Variants in CSMD1 observed in about 807,000 individuals in gnomAD.
CSMD1 encodes the protein CUB and Sushi multiple domains 1.
A neutral mutation model predicts 417.5 loss-of-function variants in CSMD1; 213 were observed. The observed-to-expected ratio is 0.51, with a 90% CI of 0.46 to 0.57. CSMD1 has a LOEUF of 0.57. Ranked by LOEUF, CSMD1 falls within the 20% of genes least tolerant of loss-of-function variation. The pLI is 0.00. For missense variants in CSMD1, 6,923 were observed against 4,529.7 expected (o/e 1.53, Z -15.17); for synonymous variants, 2,862 against 1,736.8 (o/e 1.65, Z -16.11).
intron 1 of CSMD1, among the ~76,000 whole-genome samples, chr8:4,676,621 G>C (rs144106820): frequency 6.6e-6 from 1 of 151,994 alleles, no homozygotes; most frequent in South Asian, 2.1e-4. Context: ...TTCTCCTTTC[G>C]CACCTGCAGC....
In CSMD1 at chr8:3,230,016, T is replaced by C. The variant is rs542473394; in HGVS notation, c.4345+24A>G. On this transcript the variant is annotated intron_variant, in intron 27 of 69. Transcript: ENST00000635120. ...CATGCATCCATTCCTGAATATAAAATTTCTAAGTTCTGTTGTCTGATACCT... is the reference window on the plus strand; with the variant it reads ...CATGCATCCATTCCTGAATATAAAACTTCTAAGTTCTGTTGTCTGATACCT... 3 of 1,478,066 alleles carry C rather than the reference T, an allele frequency of 2.0e-6. No homozygotes were observed. The African/African-American group carries it at 4.2e-5, about 21-fold the overall frequency. The allele number at this position is 1,478,066 out of a possible 1,614,324, so 91.6% of individuals were successfully genotyped here.
At chr8:4,386,639 G>A (rs944926254) in intron 3 of CSMD1, among the ~76,000 whole-genome samples, 4 of 152,328 alleles carry the variant, frequency 2.6e-5, no homozygotes, top group East Asian at 3.9e-4. Context: ...CAAGCCATGG[G>A]AGTTATCTCA....
At chr8:4,159,778 T>C (rs948528216) in intron 3 of CSMD1, among the ~76,000 whole-genome samples, 38 of 152,258 alleles carry the variant, frequency 2.5e-4, no homozygotes, top group African/African-American at 8.4e-4. Context: ...TTAGTAGAGA[T>C]GGGGTTTCAC....
chr8:4,328,209 T>C (rs1799665168), intron 3 of CSMD1, among the ~76,000 whole-genome samples: 1 of 151,630 alleles, frequency 6.6e-6, no homozygotes, highest in Non-Finnish European at 1.5e-5. Context: ...TTGACCCAAA[T>C]TCTACACACC....
chr8:4,957,499 A>G (rs1046077974), intron 1 of CSMD1, among the ~76,000 whole-genome samples: 3 of 152,214 alleles, frequency 2.0e-5, no homozygotes, highest in Admixed American at 2.0e-4. Context: ...CAGAGTAGAA[A>G]TAACTACTTC....
chr8:4,549,438 G>C (rs1286758848), intron 2 of CSMD1, among the ~76,000 whole-genome samples: 1 of 152,062 alleles, frequency 6.6e-6, no homozygotes, highest in Non-Finnish European at 1.5e-5. Context: ...ATCTTCTTTT[G>C]CTTTTTTAAT....
At chr8:4,193,992 A>G (rs1337934058) in intron 3 of CSMD1, among the ~76,000 whole-genome samples, 5 of 152,104 alleles carry the variant, frequency 3.3e-5, no homozygotes, top group African/African-American at 4.8e-5. Context: ...TATGATTACT[A>G]TATATCCCCT....
At chr8:3,140,766 C>A (rs1439454717) in intron 41 of CSMD1, among the ~76,000 whole-genome samples, 1 of 151,546 alleles carries the variant, frequency 6.6e-6, no homozygotes, top group Non-Finnish European at 1.5e-5. Flanking sequence ...ACGTTTTCAA[C>A]CTCATTTGAT....
chr8:4,813,123 T>C (rs767135892), intron 1 of CSMD1, among the ~76,000 whole-genome samples: 4 of 152,194 alleles, frequency 2.6e-5, no homozygotes, highest in African/African-American at 4.8e-5. Context: ...TCTAAAAATA[T>C]GTTAAGCTCT....
At chr8:3,739,851 T>A (rs1361350931) in intron 6 of CSMD1, among the ~76,000 whole-genome samples, 1 of 152,146 alleles carries the variant, frequency 6.6e-6, no homozygotes, top group Non-Finnish European at 1.5e-5. Context: ...TTTGGGACAA[T>A]TAAAAAAGCA....
intron 3 of CSMD1, among the ~76,000 whole-genome samples, chr8:4,399,091 A>T (rs1328208155): frequency 3.3e-5 from 5 of 152,224 alleles, no homozygotes; most frequent in Non-Finnish European, 5.9e-5. Flanking sequence ...ACTTTTAGCC[A>T]TGTAAATGCT....
intron 3 of CSMD1, among the ~76,000 whole-genome samples, chr8:4,402,643 C>T (rs1372505734): frequency 6.6e-6 from 1 of 152,110 alleles, no homozygotes; most frequent in Non-Finnish European, 1.5e-5. Context: ...ACCTATCCCT[C>T]ATCACATTTT....
At chr8:4,817,731 G>T (rs748171391) in intron 1 of CSMD1, among the ~76,000 whole-genome samples, 2 of 152,090 alleles carry the variant, frequency 1.3e-5, no homozygotes, top group Non-Finnish European at 2.9e-5. Flanking sequence ...GTTTGTAGTC[G>T]AATTAATATA....
At chr8:4,412,986 T>A (rs1180300341) in intron 3 of CSMD1, among the ~76,000 whole-genome samples, 1 of 152,200 alleles carries the variant, frequency 6.6e-6, no homozygotes, top group Non-Finnish European at 1.5e-5. Context: ...CTTTATCTTT[T>A]CAGTAGTTAT....
chr8:3,649,286 C>G (rs1367423674), intron 7 of CSMD1, among the ~76,000 whole-genome samples: 1 of 152,008 alleles, frequency 6.6e-6, no homozygotes, highest in Non-Finnish European at 1.5e-5. Context: ...TATGTGAGAA[C>G]CAAGAAAAAA....
intron 1 of CSMD1, among the ~76,000 whole-genome samples, chr8:4,669,108 A>C (rs1238911694): frequency 6.6e-6 from 1 of 152,200 alleles, no homozygotes; most frequent in Admixed American, 6.5e-5. Context: ...TTCAGCTTTA[A>C]AAAATCTGCA....
At chr8:3,454,353 T>C (rs1815963338) in intron 12 of CSMD1, among the ~76,000 whole-genome samples, 1 of 152,242 alleles carries the variant, frequency 6.6e-6, no homozygotes, top group Non-Finnish European at 1.5e-5. Flanking sequence ...GATTCAGTTA[T>C]TATGATGTTA....
chr8:3,384,488 C>T (rs1329764818), intron 18 of CSMD1, among the ~76,000 whole-genome samples: 1 of 151,094 alleles, frequency 6.6e-6, no homozygotes, highest in Admixed American at 6.6e-5. Context: ...ATACCAATTC[C>T]ACATTGTTCG....
intron 3 of CSMD1, among the ~76,000 whole-genome samples, chr8:4,073,359 G>C (rs938347590): frequency 2.6e-5 from 4 of 152,126 alleles, no homozygotes; most frequent in Non-Finnish European, 5.9e-5. Flanking sequence ...AGTCACATAA[G>C]AGCAAGGTCG....
Sources: allele counts gnomAD v4.1 joint callset (sites outside exome capture counted in the v4.1 genomes callset), GRCh38; gene constraint gnomAD v4.1.1; transcripts MANE v1.5; gene names NCBI Gene and HGNC (gene_info 2026-07-23, HGNC 2026-07-21).